ARHGAP6: variants seen among roughly 807,000 people sequenced by gnomAD.
ARHGAP6 encodes the protein rho GTPase-activating protein 6.
A neutral mutation model predicts 55.7 loss-of-function variants in ARHGAP6; 16 were observed. The ratio of observed to expected loss-of-function variants is 0.29; its 90% CI spans 0.19 to 0.44. The LOEUF (loss-of-function observed/expected upper bound fraction) is 0.44. ARHGAP6 is among the 20% of genes least tolerant of loss of function. ARHGAP6 has a pLI of 1.00. For synonymous variants in ARHGAP6, 382 were observed against 360.9 expected (o/e 1.06, Z -0.66); for missense variants, 698 against 808.9 (o/e 0.86, Z 1.66).
rs770515214 is a variant in ARHGAP6, at chrX:11,653,044, A to T, written c.588+11197T>A. Among the ~76,000 whole-genome samples the T allele has an allele frequency of 1.5e-4, 17 of 112,055 alleles. No individual in the cohort carries two copies. In the East Asian group the frequency reaches 4.5e-3, roughly 30 times the overall value. On this transcript the variant is annotated intron_variant, in intron 1 of 12. Transcript: ENST00000337414. The stretch of plus-strand genomic sequence containing the variant: ...AAGATGTTGAATGAGATGGGCCTTG[A>T]AAAGCAGTCAACTTGGTCTCATGTA...
At chrX:11,353,738 G>A (rs149169527) in intron 1 of ARHGAP6, among the ~76,000 whole-genome samples, 104 of 110,653 alleles carry the variant, frequency 9.4e-4, no homozygotes, top group African/African-American at 3.1e-3. Flanking sequence ...TGTCTGACCC[G>A]TCACTTCTAT....
At position 11,138,878 on chromosome X, in the gene ARHGAP6, G is replaced by A. The variant is rs780264256; in HGVS notation, c.2910C>T (p.Pro970=). The A allele has an allele frequency of 1.7e-6, 2 of 1,183,632 alleles. No individual in the cohort carries two copies. Among genetic ancestry groups the A allele is most frequent in the Admixed American group, 2.3e-5 (1 of 44,158 alleles). Residue 970 remains proline (P), a synonymous_variant, in exon 13 of 13, where the codon CCC becomes CCT. Coordinates refer to ENST00000337414, the MANE Select transcript of ARHGAP6 (RefSeq NM_013427.3). ...LLSTDNPDAL[P]ETLV is the part of the protein sequence containing the mutation. ...GGGTGCGGGCTCAGACCAGCGTCTCGGGCAGGGCATCGGGGTTGTCGGTCG... is the reference window on the plus strand; with the variant it reads ...GGGTGCGGGCTCAGACCAGCGTCTCAGGCAGGGCATCGGGGTTGTCGGTCG...
Position 11,640,486 on chromosome X carries a change from C to T in ARHGAP6, c.588+23755G>A, listed in dbSNP as rs1169668986. Among the ~76,000 whole-genome samples the T allele has an allele frequency of 7.1e-5, 8 of 112,082 alleles. No homozygotes were observed. The Admixed American group carries it at 7.6e-4, about 11-fold the overall frequency. On this transcript the variant is annotated intron_variant, in intron 1 of 12. Transcript: ENST00000337414. The stretch of plus-strand genomic sequence containing the variant: ...AGTCTGATGAAGAACAGTGCTGCCT[C>T]GCCTTAAATAACTTTCTACTGTAAA...
intron 1 of ARHGAP6, among the ~76,000 whole-genome samples, chrX:11,631,448 C>A (rs954276927): frequency 9.1e-6 from 1 of 109,883 alleles, no homozygotes; most frequent in Non-Finnish European, 1.9e-5. Flanking sequence ...ATTGCTTGAA[C>A]CTGGGGAGCA....
chrX:11,514,838 G>GCACA lies in ARHGAP6; in HGVS notation c.588+149399_588+149402dup, dbSNP rs71928650. On this transcript the variant is annotated intron_variant, in intron 1 of 12. Coordinates refer to ENST00000337414, the MANE Select transcript of ARHGAP6 (RefSeq NM_013427.3). ...CCCTCTTCACCTTTGTCTATGCATT[G>GCACA]CACACACACACACACACACACACAC... Among the ~76,000 whole-genome samples the GCACA allele has an allele frequency of 5.7e-3, 549 of 96,248 alleles. 4 individuals carry two copies. The highest frequency in any genetic ancestry group is 0.015 in the African/African-American group (393 of 26,019). The allele number at this position is 96,248 out of a possible 115,157, so 83.6% of individuals were successfully genotyped here.
chrX:11,646,280 G>A (rs2052526124), intron 1 of ARHGAP6, among the ~76,000 whole-genome samples: 2 of 111,299 alleles, frequency 1.8e-5, no homozygotes, highest in South Asian at 3.8e-4. Flanking sequence ...CTCGACACAT[G>A]AGGATTAAAA....
At chrX:11,291,247 A>G (rs1379279271) in intron 1 of ARHGAP6, among the ~76,000 whole-genome samples, 1 of 112,038 alleles carries the variant, frequency 8.9e-6, no homozygotes. Context: ...TTAATGTCCT[A>G]TGATTCAGGA....
intron 1 of ARHGAP6, among the ~76,000 whole-genome samples, chrX:11,330,838 G>T (rs952332153): frequency 2.7e-5 from 3 of 112,101 alleles, no homozygotes; most frequent in Non-Finnish European, 5.6e-5. Flanking sequence ...CTGGAAAGCT[G>T]CAGGATCCCT....
intron 1 of ARHGAP6, among the ~76,000 whole-genome samples, chrX:11,521,324 T>C (rs1476915145): frequency 1.8e-5 from 2 of 112,255 alleles, no homozygotes; most frequent in Admixed American, 9.5e-5. Context: ...CCATCTTGAA[T>C]TGATTTTTTA....
chrX:11,155,427 G>A (rs1019793820), intron 10 of ARHGAP6, among the ~76,000 whole-genome samples: 8 of 111,086 alleles, frequency 7.2e-5, no homozygotes, highest in Non-Finnish European at 1.5e-4. Flanking sequence ...AGCCTCACGA[G>A]TAGCTGGGAT....
chrX:11,377,053 A>G (rs896254204), intron 1 of ARHGAP6, among the ~76,000 whole-genome samples: 5 of 112,197 alleles, frequency 4.5e-5, no homozygotes, highest in African/African-American at 1.6e-4. Context: ...GATGGCCTGC[A>G]GAGCAAAATT....
At chrX:11,550,718 T>C (rs973472113) in intron 1 of ARHGAP6, among the ~76,000 whole-genome samples, 4 of 112,089 alleles carry the variant, frequency 3.6e-5, no homozygotes, top group Non-Finnish European at 5.6e-5. Context: ...AGGAAGATCA[T>C]TGGAATAACT....
chrX:11,484,069 C>G (rs2050486232), intron 1 of ARHGAP6, among the ~76,000 whole-genome samples: 1 of 111,982 alleles, frequency 8.9e-6, no homozygotes, highest in Non-Finnish European at 1.9e-5. Context: ...TTCCACTTCT[C>G]TTAAATTTAA....
intron 1 of ARHGAP6, among the ~76,000 whole-genome samples, chrX:11,255,651 A>G (rs761274430): frequency 8.1e-5 from 9 of 111,408 alleles, no homozygotes; most frequent in Non-Finnish European, 1.3e-4. Context: ...TAGCACTCTC[A>G]TGAGTTATTG....
chrX:11,220,429 A>C (rs1292034966), intron 2 of ARHGAP6, among the ~76,000 whole-genome samples: 1 of 111,710 alleles, frequency 9.0e-6, no homozygotes, highest in African/African-American at 3.2e-5. Context: ...CTAACAGCGG[A>C]TCTCTCGGCA....
At chrX:11,230,354 C>T (rs5933867) in intron 2 of ARHGAP6, among the ~76,000 whole-genome samples, 2,844 of 111,029 alleles carry the variant, frequency 0.026, 35 homozygotes, top group Middle Eastern at 0.083. Flanking sequence ...CACGCCACCA[C>T]ACCCAGCTAA....
chrX:11,441,903 A>C (rs1387131072), intron 1 of ARHGAP6, among the ~76,000 whole-genome samples: 1 of 110,163 alleles, frequency 9.1e-6, no homozygotes, highest in Non-Finnish European at 1.9e-5. Context: ...ACTTAAAAAA[A>C]AATCTCATGA....
At chrX:11,633,609 C>A (rs2052384578) in intron 1 of ARHGAP6, among the ~76,000 whole-genome samples, 1 of 112,116 alleles carries the variant, frequency 8.9e-6, no homozygotes, top group Non-Finnish European at 1.9e-5. Context: ...GCTTTGTGTG[C>A]TTATTCCTCA....
At chrX:11,620,962 C>T (rs1177117213) in intron 1 of ARHGAP6, among the ~76,000 whole-genome samples, 1 of 112,279 alleles carries the variant, frequency 8.9e-6, no homozygotes, top group Non-Finnish European at 1.9e-5. Context: ...GTCAACACAG[C>T]CTCTGTCTAG....
Sources: gnomAD v4.1 joint callset for allele counts (sites outside exome capture counted in the v4.1 genomes callset) on GRCh38, gnomAD v4.1.1 for gene constraint, MANE v1.5 for transcripts, NCBI Gene and HGNC (gene_info 2026-07-23, HGNC 2026-07-21) for gene names.